Variants in ZFAND3 observed in about 807,000 individuals in gnomAD.
ZFAND3 encodes the protein AN1-type zinc finger protein 3.
Under a neutral mutation model 29.6 loss-of-function variants are expected in ZFAND3, and 10 were observed. That is an observed-to-expected ratio of 0.34 (90% CI 0.21 to 0.57). The LOEUF (loss-of-function observed/expected upper bound fraction) is 0.57. Among genes scored for constraint, ZFAND3 ranks in the 20% least tolerant of loss-of-function variants. The pLI is 0.86. For missense variants in ZFAND3, 230 were observed against 304.5 expected, an observed-to-expected ratio of 0.76 and a Z score of 1.82; for synonymous variants, 128 against 112.6, an observed-to-expected ratio of 1.14 and a Z score of -0.87.
intron 4 of ZFAND3, among the ~76,000 whole-genome samples, chr6:38,096,160 GT>G (rs1427089097): frequency 6.6e-6 from 1 of 151,922 alleles, no homozygotes; most frequent in African/African-American, 2.4e-5. Flanking sequence ...ACTCATTAGG[GT>G]TTTGTTGTTG....
intron 2 of ZFAND3, among the ~76,000 whole-genome samples, chr6:37,953,259 C>T (rs981555902): frequency 1.3e-5 from 2 of 151,474 alleles, no homozygotes; most frequent in African/African-American, 4.9e-5. Flanking sequence ...TAATGTATCT[C>T]CTTTGTTGAC....
intron 2 of ZFAND3, among the ~76,000 whole-genome samples, chr6:37,993,088 T>A (rs1395905319): frequency 1.3e-5 from 2 of 152,234 alleles, no homozygotes; most frequent in Non-Finnish European, 2.9e-5. Context: ...ATTGTACACA[T>A]ACATTTTTCC....
chr6:38,040,830 C>G (rs557565353), intron 2 of ZFAND3, among the ~76,000 whole-genome samples: 1 of 152,330 alleles, frequency 6.6e-6, no homozygotes, highest in Admixed American at 6.5e-5. Flanking sequence ...AATTTAACCA[C>G]AGTACAATTA....
chr6:37,897,929 C>T (rs1467672548), intron 1 of ZFAND3, among the ~76,000 whole-genome samples: 3 of 152,146 alleles, frequency 2.0e-5, no homozygotes, highest in Admixed American at 6.5e-5. Flanking sequence ...TTATAGTTTA[C>T]GCACATACCC....
intron 3 of ZFAND3, among the ~76,000 whole-genome samples, chr6:38,064,274 C>T (rs1764299777): frequency 6.6e-6 from 1 of 152,178 alleles, no homozygotes; most frequent in Non-Finnish European, 1.5e-5. Flanking sequence ...GCATGTGAGG[C>T]TGAGATAACA....
At position 37,823,232 on chromosome 6, in the gene ZFAND3, A is replaced by G. The variant is rs531219377; in HGVS notation, c.71+3216A>G. On this transcript the variant is annotated intron_variant, in intron 1 of 5. Transcript: ENST00000287218. Reference sequence around the variant, plus strand: ...GCCTGGGGAGAATAGAGCGAAGTACATAGAAGTGAAAGCCATTCAGGAGGT... The same window carrying G: ...GCCTGGGGAGAATAGAGCGAAGTACGTAGAAGTGAAAGCCATTCAGGAGGT... 3.3e-5 allele frequency among the ~76,000 whole-genome samples: 5 copies of G among 152,338 alleles called. No homozygotes were observed. In the South Asian group the frequency reaches 6.2e-4, roughly 19 times the overall value.
chr6:38,045,038 C>T (rs1763868746), intron 2 of ZFAND3, among the ~76,000 whole-genome samples: 1 of 148,128 alleles, frequency 6.8e-6, no homozygotes, highest in Non-Finnish European at 1.5e-5. Flanking sequence ...GCTGTCATCT[C>T]CCCATGTGGA....
chr6:38,128,164 T>A (rs1330169212), intron 5 of ZFAND3, among the ~76,000 whole-genome samples: 1 of 152,216 alleles, frequency 6.6e-6, no homozygotes, highest in Non-Finnish European at 1.5e-5. Flanking sequence ...TTTTTAAAAA[T>A]GTTTTCTTTC....
chr6:38,061,507 T>C (rs754215630), intron 2 of ZFAND3, 86 bp from the exon 3 acceptor site: 12 of 1,511,678 alleles, frequency 7.9e-6, no homozygotes, highest in Non-Finnish European at 1.1e-5. Flanking sequence ...TGTTGTTGCA[T>C]TTAATTTTTG....
intron 2 of ZFAND3, among the ~76,000 whole-genome samples, chr6:38,000,813 T>C (rs142450623): frequency 3.3e-5 from 5 of 152,328 alleles, no homozygotes; most frequent in Non-Finnish European, 7.3e-5. Context: ...AGTTCTCTTG[T>C]GTGTAACTAC....
At chr6:37,959,590 T>C (rs958699989) in intron 2 of ZFAND3, among the ~76,000 whole-genome samples, 2 of 152,210 alleles carry the variant, frequency 1.3e-5, no homozygotes, top group African/African-American at 4.8e-5. Context: ...TGATTTCACA[T>C]AAATTGTCAA....
intron 2 of ZFAND3, among the ~76,000 whole-genome samples, chr6:38,010,905 T>C (rs956773765): frequency 1.0e-5 from 1 of 96,054 alleles, no homozygotes; most frequent in South Asian, 3.4e-4. Context: ...CCGGCCCAAC[T>C]TTTTTTTTTT....
At chr6:38,104,781 G>A (rs558162851) in intron 4 of ZFAND3, among the ~76,000 whole-genome samples, 20 of 152,286 alleles carry the variant, frequency 1.3e-4, no homozygotes, top group African/African-American at 4.6e-4. Context: ...AAATAGAGGA[G>A]CTTGTTTTCA....
intron 5 of ZFAND3, among the ~76,000 whole-genome samples, chr6:38,126,111 C>T (rs80097515): frequency 0.014 from 2,146 of 152,314 alleles, 60 homozygotes; most frequent in African/African-American, 0.049. Context: ...ACCCTAGCCC[C>T]AGCCAACCAC....
chr6:37,938,303 G>A (rs1761740038), intron 2 of ZFAND3, among the ~76,000 whole-genome samples: 1 of 152,122 alleles, frequency 6.6e-6, no homozygotes, highest in African/African-American at 2.4e-5. Flanking sequence ...CTCCGTTTAT[G>A]CATTTTGTGC....
At chr6:38,101,179 T>C (rs551479028) in intron 4 of ZFAND3, among the ~76,000 whole-genome samples, 4 of 152,350 alleles carry the variant, frequency 2.6e-5, no homozygotes, top group South Asian at 2.1e-4. Flanking sequence ...ATTTTCATAA[T>C]AATGATTTTA....
chr6:38,049,620 T>G (rs978123273), intron 2 of ZFAND3, among the ~76,000 whole-genome samples: 1 of 152,180 alleles, frequency 6.6e-6, no homozygotes, highest in South Asian at 2.1e-4. Flanking sequence ...AGATACCTTT[T>G]AGGAATTGTG....
rs571216469 is a variant in ZFAND3, at chr6:37,841,373, A to C, written c.71+21357A>C. Among the ~76,000 whole-genome samples the C allele has an allele frequency of 3.9e-5, 6 of 152,182 alleles. No homozygotes were observed. The South Asian group carries it at 8.3e-4, about 21-fold the overall frequency. On this transcript the variant is annotated intron_variant, in intron 1 of 5. Transcript: ENST00000287218. The stretch of plus-strand genomic sequence containing the variant: ...CTTTCCATCCTTCTATCCATCTATT[A>C]ATCTTATTTTTTATTTTCCAAGTAA...
intron 5 of ZFAND3, among the ~76,000 whole-genome samples, chr6:38,151,939 G>C (rs1443100784): frequency 6.6e-6 from 1 of 152,174 alleles, no homozygotes; most frequent in African/African-American, 2.4e-5. Flanking sequence ...GAGGAGCGCA[G>C]AGCCCACTCA....
Sources: allele counts gnomAD v4.1 joint callset (sites outside exome capture counted in the v4.1 genomes callset), GRCh38; gene constraint gnomAD v4.1.1; transcripts MANE v1.5; gene names NCBI Gene and HGNC (gene_info 2026-07-23, HGNC 2026-07-21).